The following PDHX variants were observed in gnomAD, a reference collection of about 807,000 sequenced individuals.
PDHX encodes pyruvate dehydrogenase complex component X.
Under a neutral mutation model 55.3 loss-of-function variants are expected in PDHX, and 33 were observed. The ratio of observed to expected loss-of-function variants is 0.60; its 90% CI spans 0.45 to 0.80. PDHX has a LOEUF of 0.80. Ranked by LOEUF, PDHX falls within the 30% of genes least tolerant of loss-of-function variation. PDHX has a pLI of 0.00. For synonymous variants in PDHX, 226 were observed against 219.4 expected (o/e 1.03, Z -0.27); for missense variants, 622 against 619.9 (o/e 1.00, Z -0.04).
At chr11:34,970,471 A>G (rs1169133858) in intron 7 of PDHX, among the ~76,000 whole-genome samples, 185 bp downstream of exon 7, 1 of 152,222 alleles carries the variant, frequency 6.6e-6, no homozygotes, top group African/African-American at 2.4e-5. Context: ...TTTCCTTGAA[A>G]AAGTGAATTG....
At chr11:34,925,230 C>T (rs949602828) in intron 1 of PDHX, among the ~76,000 whole-genome samples, 1 of 152,166 alleles carries the variant, frequency 6.6e-6, no homozygotes, top group Admixed American at 6.6e-5. Flanking sequence ...GTAGATTGAA[C>T]TTCAAGCTCT....
chr11:34,921,935 A>G (rs1287818022), intron 1 of PDHX, among the ~76,000 whole-genome samples: 1 of 152,226 alleles, frequency 6.6e-6, no homozygotes, highest in African/African-American at 2.4e-5. Context: ...AAGGTTTGCC[A>G]GGTTTCACGG....
intron 2 of PDHX, among the ~76,000 whole-genome samples, chr11:34,946,074 G>A (rs558511816): frequency 4.6e-5 from 7 of 152,046 alleles, no homozygotes; most frequent in South Asian, 4.2e-4. Context: ...CTGTTTTTTC[G>A]TTTTGTTTTG....
At chr11:34,917,688 GA>G (rs557667552) in intron 1 of PDHX, among the ~76,000 whole-genome samples, 7 of 149,292 alleles carry the variant, frequency 4.7e-5, no homozygotes, top group Admixed American at 6.6e-5. Flanking sequence ...CTTAGGCTCA[GA>G]AAAAAAAAAT....
chr11:34,993,556 CT>C (rs1250244380), intron 10 of PDHX, among the ~76,000 whole-genome samples: 1 of 151,976 alleles, frequency 6.6e-6, no homozygotes, highest in Non-Finnish European at 1.5e-5. Flanking sequence ...TTGATTTCTC[CT>C]TTTTCATAGC....
At chr11:34,916,937 C>A in intron 1 of PDHX, 122 bp downstream of exon 1, 2 of 994,476 alleles carry the variant, frequency 2.0e-6, no homozygotes, top group Non-Finnish European at 3.1e-6. Context: ...ATTCCCTTTC[C>A]TCTTTCTCCG....
Position 34,966,642 on chromosome 11 carries a change from A to G in PDHX, c.644A>G (p.Asp215Gly), listed in dbSNP as rs200568558. 7 of 1,613,972 alleles carry G rather than the reference A, an allele frequency of 4.3e-6. No individual in the cohort carries two copies. The highest frequency in any genetic ancestry group is 5.9e-6 in the Non-Finnish European group (7 of 1,179,970). ...ATCTACTTTGCTCTTATTTCCAGGG[A>G]TGCTCTCAAACTTGTCCAGTTGAAA... is the stretch of plus-strand genomic sequence containing the variant. ...TGPRGIFTKE[D>G]ALKLVQLKQT... The change falls in exon 6 of 11, where the codon GAT becomes GGT. Residue 215 changes from aspartate (D) to glycine (G), a missense_variant and splice_region_variant. Transcript: ENST00000227868.
intron 1 of PDHX, among the ~76,000 whole-genome samples, chr11:34,925,983 G>T (rs77720624): frequency 6.6e-5 from 10 of 152,254 alleles, no homozygotes; most frequent in African/African-American, 2.4e-4. Context: ...CCTATATATT[G>T]CTTATGGGTT....
chr11:34,970,185 C>T lies in PDHX; in HGVS notation c.863C>T (p.Ala288Val). 6.2e-7 allele frequency: 1 copy of T among 1,612,368 alleles called. No homozygotes were observed. Among genetic ancestry groups the T allele is most frequent in the Non-Finnish European group, 8.5e-7 (1 of 1,178,478 alleles). ...GCCAGCAATATTCGAAGAGTTATTG[C>T]CAAGAGATTAACTGAATCTAAAAGT... is the stretch of plus-strand genomic sequence containing the variant. ...IPASNIRRVI[A>V]KRLTESKSTV... Residue 288 changes from alanine (A) to valine (V), a missense_variant, in exon 7 of 11, where the codon GCC becomes GTC. Ala to Val is a moderately conservative substitution (Grantham distance 64). Transcript: ENST00000227868.
chr11:34,957,669 C>T (rs561557846), intron 4 of PDHX, 86 bp downstream of exon 4: 218 of 1,025,832 alleles, frequency 2.1e-4, no homozygotes, highest in Non-Finnish European at 2.9e-4. Flanking sequence ...CATATTCGCA[C>T]ATCGTTGTAC....
rs1855840011 is a variant in PDHX, at chr11:34,995,399, G to T, written c.*227G>T. 1 of 500,090 alleles carries T rather than the reference G, an allele frequency of 2.0e-6. No individual in the cohort carries two copies. Among genetic ancestry groups the T allele is most frequent in the Non-Finnish European group, 3.6e-6 (1 of 276,808 alleles). 31.0% of individuals were successfully genotyped at this position (500,090 alleles called of 1,614,324 possible). ...ACTAATAAAGGAAAGAGAATATTTG[G>T]TTACTCAGATCCATTTTTAACCTCT... On this transcript the variant is annotated 3_prime_UTR_variant, in exon 11 of 11. Transcript: ENST00000227868.
upstream of PDHX, chr11:34,916,026 C>A: frequency 1.5e-6 from 1 of 663,334 alleles, no homozygotes. Flanking sequence ...GCGCCCCGCC[C>A]GAGACCACTG....
intron 8 of PDHX, among the ~76,000 whole-genome samples, chr11:34,983,992 G>A (rs1367748047): frequency 6.6e-6 from 1 of 152,190 alleles, no homozygotes; most frequent in Non-Finnish European, 1.5e-5. Flanking sequence ...AAAGAACAAA[G>A]CTGGAGGCAT....
At chr11:34,925,120 G>A (rs1332062582) in intron 1 of PDHX, among the ~76,000 whole-genome samples, 1 of 152,028 alleles carries the variant, frequency 6.6e-6, no homozygotes, top group South Asian at 2.1e-4. Context: ...TTTATCTCAC[G>A]GTATGTAATA....
chr11:34,916,692 C>T lies in PDHX; in HGVS notation c.37C>T (p.Leu13=), dbSNP rs1271578203. The T allele has an allele frequency of 3.1e-6, 5 of 1,612,316 alleles. No individual in the cohort carries two copies. The highest frequency in any genetic ancestry group is 3.3e-5 in the Admixed American group (2 of 60,016). ...CTGGAGGCTGGGCTGTGATCCGCGG[C>T]TGCTGCGTTATCTTGTGGGCTTCCC... ...ASWRLGCDPR[L]LRYLVGFPGR... Residue 13 remains leucine (L), a synonymous_variant, in exon 1 of 11, where the codon CTG becomes TTG. Coordinates refer to ENST00000227868, the MANE Select transcript of PDHX (RefSeq NM_003477.3).
chr11:34,978,244 C>T, intron 8 of PDHX, 62 bp downstream of exon 8: 1 of 942,206 alleles, frequency 1.1e-6, no homozygotes, highest in Non-Finnish European at 1.7e-6. Context: ...GGAATTTTTA[C>T]AATGACAAAT....
intron 9 of PDHX, among the ~76,000 whole-genome samples, chr11:34,987,371 G>A (rs772912806): frequency 5.9e-5 from 9 of 151,976 alleles, no homozygotes; most frequent in African/African-American, 1.7e-4. Flanking sequence ...GGTTGTACTC[G>A]GAAAAAATAA....
chr11:34,979,246 G>A (rs1855451634), intron 8 of PDHX, among the ~76,000 whole-genome samples: 1 of 152,138 alleles, frequency 6.6e-6, no homozygotes, highest in Admixed American at 6.5e-5. Context: ...TCTAGAGTTT[G>A]GTTTTAGACA....
rs1167127896 is a variant in PDHX, at chr11:34,931,439, C to T, written c.196C>T (p.Pro66Ser). The change falls in exon 2 of 11, where the codon CCT (proline) becomes TCT (serine). Residue 66 changes from proline to serine, a missense_variant. Physicochemically the swap from Pro to Ser is moderately conservative, Grantham distance 74 (BLOSUM62 -1). Coordinates refer to ENST00000227868, the MANE Select transcript of PDHX (RefSeq NM_003477.3). ...TAAGATACTAATGCCATCACTGTCT[C>T]CTACAATGGAAGAAGGAAACATTGT... is the stretch of plus-strand genomic sequence containing the variant. Reference protein sequence around the residue: ...PIKILMPSLSPTMEEGNIVKW... With the variant: ...PIKILMPSLSSTMEEGNIVKW... 1 of 1,608,086 alleles carries T rather than the reference C, an allele frequency of 6.2e-7. No homozygotes were observed. Among genetic ancestry groups the T allele is most frequent in the Admixed American group, 1.7e-5 (1 of 59,856 alleles).
Sources: gnomAD v4.1 joint callset for allele counts (sites outside exome capture counted in the v4.1 genomes callset) on GRCh38, gnomAD v4.1.1 for gene constraint, MANE v1.5 for transcripts, NCBI Gene and HGNC (gene_info 2026-07-23, HGNC 2026-07-21) for gene names.